The following RERE variants were observed in gnomAD, a reference collection of about 807,000 sequenced individuals.
RERE encodes the protein arginine-glutamic acid dipeptide repeats.
A neutral mutation model predicts 146.1 loss-of-function variants in RERE; 40 were observed. The observed-to-expected ratio is 0.27, with a 90% CI of 0.21 to 0.36. RERE has a LOEUF of 0.36. Among genes scored for constraint, RERE ranks in the 10% least tolerant of loss-of-function variants. RERE has a pLI of 1.00. For synonymous variants in RERE, 1,003 were observed against 866.0 expected (o/e 1.16, Z -2.78); for missense variants, 1,933 against 2,138.7 (o/e 0.90, Z 1.90).
rs540738436 is a variant in RERE, at chr1:8,485,222, G to A, written c.1104+9841C>T. Among the ~76,000 whole-genome samples, 14 of 152,208 alleles carry A rather than the reference G, an allele frequency of 9.2e-5. No individual in the cohort carries two copies. The South Asian group carries it at 1.7e-3, about 18-fold the overall frequency. On this transcript the variant is annotated intron_variant, in intron 10 of 22. Transcript: ENST00000400908. ...ACTAAGAATACAAAATTCACTGGAC[G>A]TGGTGCCGCATGTCTGTAATCCTAG...
chr1:8,359,771 C>A lies in RERE; in HGVS notation c.3611G>T (p.Arg1204Leu), dbSNP rs1307287064. The A allele has an allele frequency of 6.2e-7, 1 of 1,600,264 alleles. No homozygotes were observed. Among genetic ancestry groups the A allele is most frequent in the Non-Finnish European group, 8.5e-7 (1 of 1,179,322 alleles). ...CGCCAACCCTGGACTCACAGCCGCC[C>A]GCTCTGCCTCGCGCTCCCGCTCTCG... ...REREREREAE[R>L]AAKASSSAHE... The change falls in exon 19 of 23, where the codon CGG becomes CTG. Residue 1204 changes from arginine to leucine, a missense_variant. By Grantham distance (102) the Arg-to-Leu change is moderately radical. Transcript: ENST00000400908.
intron 1 of RERE, among the ~76,000 whole-genome samples, chr1:8,809,170 G>A (rs955347608): frequency 6.9e-6 from 1 of 145,932 alleles, no homozygotes; most frequent in Non-Finnish European, 1.5e-5. Flanking sequence ...AGTACTGAGG[G>A]AGAGGTTAAT....
chr1:8,391,767 G>A (rs573867161), intron 12 of RERE, among the ~76,000 whole-genome samples: 1 of 152,280 alleles, frequency 6.6e-6, no homozygotes, highest in Non-Finnish European at 1.5e-5. Context: ...CGGGCATGGT[G>A]GCTCACGCCT....
chr1:8,744,390 G>A (rs1158119862), intron 1 of RERE, among the ~76,000 whole-genome samples: 1 of 152,174 alleles, frequency 6.6e-6, no homozygotes, highest in Non-Finnish European at 1.5e-5. Context: ...ACTAACCACA[G>A]GGAGAATTCC....
intron 7 of RERE, chr1:8,512,789 T>C (rs1570371446): frequency 6.6e-6 from 1 of 151,588 alleles, no homozygotes; most frequent in Middle Eastern, 3.4e-3. Flanking sequence ...TGAGTGGGGG[T>C]AAAAACCCTG....
intron 2 of RERE, among the ~76,000 whole-genome samples, chr1:8,628,240 G>C (rs2124240920): frequency 6.6e-6 from 1 of 152,210 alleles, no homozygotes; most frequent in African/African-American, 2.4e-5. Context: ...GAAGCTCACT[G>C]CAAAATTAAG....
At chr1:8,691,643 T>C (rs1399668422) in intron 1 of RERE, among the ~76,000 whole-genome samples, 1 of 152,150 alleles carries the variant, frequency 6.6e-6, no homozygotes, top group Non-Finnish European at 1.5e-5. Flanking sequence ...GGGAGAAAGA[T>C]CATATATTAC....
chr1:8,501,301 G>T (rs1342083364), intron 8 of RERE, among the ~76,000 whole-genome samples: 4 of 121,436 alleles, frequency 3.3e-5, no homozygotes, highest in African/African-American at 1.3e-4. Flanking sequence ...GGACCCCTCT[G>T]CCCGGCCAGC....
chr1:8,404,293 T>A (rs1197842587), intron 12 of RERE, among the ~76,000 whole-genome samples: 1 of 152,080 alleles, frequency 6.6e-6, no homozygotes, highest in Non-Finnish European at 1.5e-5. Context: ...GGCGGGCGCC[T>A]GTAGTCCCAG....
At chr1:8,695,682 C>T (rs1639313709) in intron 1 of RERE, among the ~76,000 whole-genome samples, 1 of 149,588 alleles carries the variant, frequency 6.7e-6, no homozygotes, top group East Asian at 2.0e-4. Flanking sequence ...ATCACTTGAA[C>T]CTGGGAGGTG....
intron 4 of RERE, among the ~76,000 whole-genome samples, chr1:8,596,953 T>C (rs1646562063): frequency 6.6e-6 from 1 of 152,126 alleles, no homozygotes; most frequent in South Asian, 2.1e-4. Context: ...CCTTTAATAA[T>C]CTTTAAGAAA....
At chr1:8,746,804 G>T (rs924556996) in intron 1 of RERE, among the ~76,000 whole-genome samples, 5 of 149,214 alleles carry the variant, frequency 3.4e-5, no homozygotes, top group Admixed American at 6.7e-5. Context: ...GAGCGTGTAT[G>T]GGGGGGAAGT....
intron 8 of RERE, among the ~76,000 whole-genome samples, chr1:8,500,242 AGTTCTCTAAT>A (rs1451033435): frequency 1.3e-5 from 2 of 152,222 alleles, no homozygotes; most frequent in Non-Finnish European, 2.9e-5. Flanking sequence ...TGGGTACAGC[AGTTCTCTAAT>A]GTCTGTTATT....
In RERE at chr1:8,704,724, A is replaced by C. The variant is rs545897194; in HGVS notation, c.-144-48283T>G. Among the ~76,000 whole-genome samples the C allele has an allele frequency of 2.6e-5, 4 of 152,380 alleles. No homozygotes were observed. In the South Asian group the frequency reaches 8.3e-4, roughly 32 times the overall value. The stretch of plus-strand genomic sequence containing the variant: ...GATAACTCTGCTGGTCTCTCTTTAA[A>C]GACAAATCAAGTTATTCTACAGGAC... On this transcript the variant is annotated intron_variant, in intron 1 of 22. Transcript: ENST00000400908.
chr1:8,363,399 G>A (rs1297718407), intron 15 of RERE, among the ~76,000 whole-genome samples: 1 of 152,226 alleles, frequency 6.6e-6, no homozygotes, highest in African/African-American at 2.4e-5. Flanking sequence ...GGTTCTGGCT[G>A]GTTGACCTGC....
intron 1 of RERE, among the ~76,000 whole-genome samples, chr1:8,793,867 C>T (rs114372897): frequency 0.021 from 3,150 of 151,430 alleles, 119 homozygotes; most frequent in African/African-American, 0.073. Context: ...GAGTCCAGAC[C>T]AGCCTGGCCA....
chr1:8,745,037 GC>G (rs1185423613), intron 1 of RERE, among the ~76,000 whole-genome samples: 9 of 152,254 alleles, frequency 5.9e-5, no homozygotes, highest in African/African-American at 1.9e-4. Flanking sequence ...TCACCCCAGG[GC>G]ATTCTAGTGA....
chr1:8,410,105 G>A (rs61787663), intron 12 of RERE, among the ~76,000 whole-genome samples: 1 of 149,722 alleles, frequency 6.7e-6, no homozygotes, highest in Non-Finnish European at 1.5e-5. Flanking sequence ...CTTTATGTTA[G>A]TCTAGGAACT....
chr1:8,740,559 C>T (rs952574882), intron 1 of RERE, among the ~76,000 whole-genome samples: 5 of 152,288 alleles, frequency 3.3e-5, no homozygotes, highest in Admixed American at 3.3e-4. Flanking sequence ...AACTTTTTGA[C>T]TCTTAACAAC....
Sources: gnomAD v4.1 joint callset for allele counts (sites outside exome capture counted in the v4.1 genomes callset) on GRCh38, gnomAD v4.1.1 for gene constraint, MANE v1.5 for transcripts, NCBI Gene and HGNC (gene_info 2026-07-23, HGNC 2026-07-21) for gene names.